The following PLA2G1B variants were observed in gnomAD, a reference collection of about 807,000 sequenced individuals.
PLA2G1B encodes phospholipase A2.
A neutral mutation model predicts 12.5 loss-of-function variants in PLA2G1B; 12 were observed. The observed-to-expected ratio is 0.96, with a 90% CI of 0.62 to 1.56. The LOEUF is 1.56. PLA2G1B is among the 40% of genes most tolerant of loss of function. The pLI is 0.00. For synonymous variants in PLA2G1B, 81 were observed against 73.4 expected, an observed-to-expected ratio of 1.10 and a Z score of -0.53; for missense variants, 189 against 186.7, an observed-to-expected ratio of 1.01 and a Z score of -0.07.
chr12:120,323,642 C>CTGTGTG (rs994635358), intron 3 of PLA2G1B, among the ~76,000 whole-genome samples: 1 of 149,872 alleles, frequency 6.7e-6, no homozygotes, highest in East Asian at 2.0e-4. Context: ...TAAAAAAAAA[C>CTGTGTG]TGTGTGTGAG....
intron 2 of PLA2G1B, among the ~76,000 whole-genome samples, chr12:120,325,559 A>G (rs1252507548): frequency 2.6e-5 from 4 of 152,190 alleles, no homozygotes; most frequent in Non-Finnish European, 5.9e-5. Flanking sequence ...CAGAAGGTGC[A>G]GTGACAACCA....
At chr12:120,323,396 G>A (rs1167382842) in intron 3 of PLA2G1B, among the ~76,000 whole-genome samples, 1 of 151,946 alleles carries the variant, frequency 6.6e-6, no homozygotes, top group Non-Finnish European at 1.5e-5. Flanking sequence ...CTCCCGAGTA[G>A]CTGGGACTAC....
chr12:120,327,022 C>T (rs921982056), intron 1 of PLA2G1B, among the ~76,000 whole-genome samples: 10 of 151,792 alleles, frequency 6.6e-5, no homozygotes, highest in African/African-American at 2.4e-4. Flanking sequence ...CTGGATACTG[C>T]ATTAGAAAGG....
At chr12:120,324,009 TAAAG>T (rs1873288903) in intron 3 of PLA2G1B, among the ~76,000 whole-genome samples, 1 of 151,988 alleles carries the variant, frequency 6.6e-6, no homozygotes, top group Non-Finnish European at 1.5e-5. Flanking sequence ...GATATAGCAA[TAAAG>T]AAAATAGACA....
intron 3 of PLA2G1B, among the ~76,000 whole-genome samples, chr12:120,324,609 A>G (rs549971594): frequency 6.6e-6 from 1 of 152,256 alleles, no homozygotes; most frequent in South Asian, 2.1e-4. Context: ...TTGAGGCTGC[A>G]GTGACCTATG....
chr12:120,323,082 A>G (rs759016165), intron 3 of PLA2G1B, among the ~76,000 whole-genome samples: 4 of 152,164 alleles, frequency 2.6e-5, no homozygotes, highest in Non-Finnish European at 5.9e-5. Context: ...GATGCCTTCC[A>G]CTTTCCATAA....
At chr12:120,323,793 AAAAAC>A (rs1184300033) in intron 3 of PLA2G1B, among the ~76,000 whole-genome samples, 1 of 152,196 alleles carries the variant, frequency 6.6e-6, no homozygotes, top group East Asian at 1.9e-4. Context: ...GTAACAATGA[AAAAAC>A]AGTAACAATA....
At chr12:120,324,895 C>A in intron 3 of PLA2G1B, 39 bp downstream of exon 3, 4 of 1,609,802 alleles carry the variant, frequency 2.5e-6, no homozygotes, top group Non-Finnish European at 3.4e-6. Flanking sequence ...CTACTGAGAA[C>A]CAACTAGAAT....
rs895895040 is a variant in PLA2G1B, at chr12:120,324,879, C to G, written c.322+55G>C. The stretch of plus-strand genomic sequence containing the variant: ...ATGGCTGTTGTTACTATTATTTCCC[C>G]CCGGCCTACTGAGAACCAACTAGAA... On this transcript the variant is annotated intron_variant, in intron 3 of 3. Transcript: ENST00000308366. 16 of 1,586,918 alleles carry G rather than the reference C, an allele frequency of 1.0e-5. No homozygotes were observed. The African/African-American group carries it at 1.3e-4, about 13-fold the overall frequency.
intron 1 of PLA2G1B, 31 bp downstream of exon 1, chr12:120,327,689 A>G (rs1486320374): frequency 1.2e-6 from 2 of 1,609,580 alleles, no homozygotes; most frequent in Non-Finnish European, 1.7e-6. Context: ...TTGGGAGAGA[A>G]AGGCGGGTGG....
At chr12:120,323,130 G>A (rs1478159640) in intron 3 of PLA2G1B, among the ~76,000 whole-genome samples, 2 of 151,956 alleles carry the variant, frequency 1.3e-5, no homozygotes, top group African/African-American at 4.8e-5. Flanking sequence ...CATTACTTTT[G>A]GCTTGTTTAC....
At chr12:120,323,632 T>TA (rs149397205) in intron 3 of PLA2G1B, among the ~76,000 whole-genome samples, 8,790 of 151,042 alleles carry the variant, frequency 0.058, 371 homozygotes, top group Admixed American at 0.15. Context: ...TTGCAAACAT[T>TA]AAAAAAAAAC....
rs537644514 is a variant in PLA2G1B, at chr12:120,323,925, TTATATC to T, written c.322+1003_322+1008del. 2.6e-3 allele frequency among the ~76,000 whole-genome samples: 394 copies of T among 152,280 alleles called. 2 individuals are homozygous for T. The highest frequency in any genetic ancestry group is 8.8e-3 in the African/African-American group (365 of 41,574). ...TGTTTTAAAAAAAGAAAAAGAAAGTTTATATCTAGGCTGTGCATTCATCAATTATTT... is the reference window on the plus strand; with the variant it reads ...TGTTTTAAAAAAAGAAAAAGAAAGTTTAGGCTGTGCATTCATCAATTATTT... On this transcript the variant is annotated intron_variant, in intron 3 of 3. Coordinates refer to ENST00000308366, the MANE Select transcript of PLA2G1B (RefSeq NM_000928.3).
At chr12:120,323,641 ACTGTGTGTG>A (rs1873280302) in intron 3 of PLA2G1B, among the ~76,000 whole-genome samples, 1 of 151,398 alleles carries the variant, frequency 6.6e-6, no homozygotes, top group South Asian at 2.1e-4. Context: ...TTAAAAAAAA[ACTGTGTGTG>A]AGTGTGTGTG....
chr12:120,325,959 C>T lies in PLA2G1B; in HGVS notation c.96G>A (p.Lys32=). Residue 32 remains lysine (K), a synonymous_variant, in exon 2 of 4, where the codon AAG becomes AAA. Transcript: ENST00000308366. ...AGGGGTCACTCCCCGGGATCACGCA[C>T]TTGATCATTTTGCGGAACTGCCACA... The part of the protein sequence containing the change: ...RAVWQFRKMI[K]CVIPGSDPFL... 1.2e-6 allele frequency: 2 copies of T among 1,614,152 alleles called. No individual in the cohort carries two copies. Among genetic ancestry groups the T allele is most frequent in the Non-Finnish European group, 1.7e-6 (2 of 1,180,012 alleles).
rs1049287931 is a variant in PLA2G1B, at chr12:120,324,138, C to G, written c.322+796G>C. ...ACCAGCCTGGGCAACATGGTAAAAC[C>G]CCATCTCTGCTAAAAATACAAAAAA... On this transcript the variant is annotated intron_variant, in intron 3 of 3. Coordinates refer to ENST00000308366, the MANE Select transcript of PLA2G1B (RefSeq NM_000928.3). 3.9e-5 allele frequency among the ~76,000 whole-genome samples: 6 copies of G among 152,086 alleles called. 1 individual carries two copies. The highest frequency in any genetic ancestry group is 6.6e-5 in the Admixed American group (1 of 15,250).
At chr12:120,327,676 C>T (rs1214142068) in intron 1 of PLA2G1B, 44 bp downstream of exon 1, 1 of 1,591,928 alleles carries the variant, frequency 6.3e-7, no homozygotes, top group Admixed American at 1.7e-5. Flanking sequence ...GATCTTAGCT[C>T]ACTTGGGAGA....
chr12:120,325,391 G>T (rs1565876059), intron 2 of PLA2G1B, among the ~76,000 whole-genome samples: 2 of 152,002 alleles, frequency 1.3e-5, no homozygotes, highest in African/African-American at 4.8e-5. Context: ...GTAGAGACAG[G>T]GTTTCACCAT....
intron 2 of PLA2G1B, 69 bp downstream of exon 2, chr12:120,325,792 A>T: frequency 6.9e-7 from 1 of 1,453,366 alleles, no homozygotes; most frequent in Non-Finnish European, 9.6e-7. Flanking sequence ...ATGCCTCGTG[A>T]GATCCTTGGC....
Sources: gnomAD v4.1 joint callset for allele counts (sites outside exome capture counted in the v4.1 genomes callset) on GRCh38, gnomAD v4.1.1 for gene constraint, MANE v1.5 for transcripts, NCBI Gene and HGNC (gene_info 2026-07-23, HGNC 2026-07-21) for gene names.